Variants in NLGN1 observed in about 807,000 individuals in gnomAD.
NLGN1 encodes the protein neuroligin 1.
In NLGN1, 12 loss-of-function variants were observed where a neutral mutation model predicts 65.5. The ratio of observed to expected loss-of-function variants is 0.18; its 90% CI spans 0.12 to 0.30. The LOEUF (loss-of-function observed/expected upper bound fraction) is 0.30. NLGN1 is among the 10% of genes least tolerant of loss of function. The pLI, the probability that NLGN1 is intolerant of heterozygous loss-of-function variation, is 1.00. For synonymous variants in NLGN1, 350 were observed against 359.5 expected (o/e 0.97, Z 0.30); for missense variants, 750 against 1,007.1 (o/e 0.74, Z 3.46).
intron 3 of NLGN1, among the ~76,000 whole-genome samples, chr3:173,775,441 T>C (rs905367535): frequency 2.6e-5 from 4 of 152,134 alleles, no homozygotes; most frequent in Non-Finnish European, 4.4e-5. Flanking sequence ...TACTCTGTTA[T>C]CTGGGGTAAA....
intron 2 of NLGN1, among the ~76,000 whole-genome samples, chr3:173,485,080 G>C (rs946457742): frequency 2.1e-5 from 3 of 142,886 alleles, no homozygotes; most frequent in African/African-American, 7.9e-5. Context: ...GGGAAGTAAG[G>C]AGGAGCAAGT....
chr3:173,797,771 A>G (rs560271613), intron 3 of NLGN1, among the ~76,000 whole-genome samples: 123 of 152,084 alleles, frequency 8.1e-4, no homozygotes, highest in African/African-American at 2.8e-3. Flanking sequence ...AACTCTCTGT[A>G]TATATACTGT....
intron 4 of NLGN1, among the ~76,000 whole-genome samples, chr3:174,166,750 T>C (rs1727560689): frequency 1.3e-5 from 2 of 152,126 alleles, no homozygotes; most frequent in African/African-American, 4.8e-5. Flanking sequence ...GTTTTCTGCC[T>C]CAATAGTCTT....
intron 3 of NLGN1, among the ~76,000 whole-genome samples, chr3:173,643,159 G>C (rs1757678287): frequency 6.6e-6 from 1 of 152,100 alleles, no homozygotes; most frequent in Non-Finnish European, 1.5e-5. Flanking sequence ...AAAATAGAGA[G>C]AGCTTTGGCG....
chr3:174,118,046 A>G (rs2152636823), intron 4 of NLGN1, among the ~76,000 whole-genome samples: 1 of 152,146 alleles, frequency 6.6e-6, no homozygotes, highest in Non-Finnish European at 1.5e-5. Flanking sequence ...ATTAGTAGTT[A>G]TTTGTTGTTG....
intron 3 of NLGN1, among the ~76,000 whole-genome samples, chr3:173,645,444 C>A (rs1758097048): frequency 6.6e-6 from 1 of 152,166 alleles, no homozygotes; most frequent in South Asian, 2.1e-4. Context: ...TCTTTTAGCA[C>A]CACTATTCCT....
At chr3:173,601,871 C>G (rs1011539692) in intron 2 of NLGN1, among the ~76,000 whole-genome samples, 4 of 151,936 alleles carry the variant, frequency 2.6e-5, no homozygotes, top group East Asian at 1.9e-4. Flanking sequence ...TTTAATTTCT[C>G]TGTCCTATGA....
chr3:173,685,650 G>A, intron 3 of NLGN1: 1 of 985,238 alleles, frequency 1.0e-6, no homozygotes, highest in Non-Finnish European at 1.2e-6. Context: ...GCTCTAAGTT[G>A]TTAGGGCGGA....
At chr3:174,046,288 T>C (rs1038957282) in intron 4 of NLGN1, among the ~76,000 whole-genome samples, 2 of 152,154 alleles carry the variant, frequency 1.3e-5, no homozygotes, top group African/African-American at 4.8e-5. Context: ...TAAATAATAA[T>C]GGAAAATTGA....
At chr3:173,953,068 C>T (rs1007187879) in intron 4 of NLGN1, among the ~76,000 whole-genome samples, 3 of 152,128 alleles carry the variant, frequency 2.0e-5, no homozygotes. Flanking sequence ...CGTGAGCCAC[C>T]GTGCTCAGCC....
intron 3 of NLGN1, among the ~76,000 whole-genome samples, chr3:173,795,097 C>T (rs1463001652): frequency 6.6e-6 from 1 of 152,118 alleles, no homozygotes; most frequent in East Asian, 1.9e-4. Flanking sequence ...CTTTCAGACC[C>T]TTGGAAATTG....
At chr3:173,894,008 A>G (rs1735870792) in intron 4 of NLGN1, among the ~76,000 whole-genome samples, 1 of 152,064 alleles carries the variant, frequency 6.6e-6, no homozygotes, top group Non-Finnish European at 1.5e-5. Flanking sequence ...CAACTTTCAC[A>G]CTTTCCCTTA....
At chr3:173,972,477 G>C (rs1716487233) in intron 4 of NLGN1, among the ~76,000 whole-genome samples, 1 of 152,054 alleles carries the variant, frequency 6.6e-6, no homozygotes, top group African/African-American at 2.4e-5. Context: ...TGGCACATTT[G>C]GTTCAGTAAG....
intron 3 of NLGN1, among the ~76,000 whole-genome samples, chr3:173,770,107 A>G (rs925540049): frequency 5.9e-5 from 9 of 152,314 alleles, no homozygotes; most frequent in African/African-American, 2.2e-4. Flanking sequence ...TTCTCAAGCC[A>G]TTAGGAACCT....
intron 4 of NLGN1, among the ~76,000 whole-genome samples, chr3:174,168,965 G>A (rs953704205): frequency 6.6e-6 from 1 of 152,282 alleles, no homozygotes; most frequent in African/African-American, 2.4e-5. Context: ...ACCTGACTGA[G>A]TGTGGAACAG....
chr3:174,056,705 G>A (rs1736187134), intron 4 of NLGN1, among the ~76,000 whole-genome samples: 1 of 151,868 alleles, frequency 6.6e-6, no homozygotes, highest in Non-Finnish European at 1.5e-5. Flanking sequence ...GTGTCTGTAT[G>A]CCATTTACAA....
At chr3:173,999,327 T>C (rs1463416162) in intron 4 of NLGN1, among the ~76,000 whole-genome samples, 4 of 152,150 alleles carry the variant, frequency 2.6e-5, no homozygotes, top group Non-Finnish European at 5.9e-5. Flanking sequence ...AGCTTTGAGA[T>C]GATATTTTTT....
intron 4 of NLGN1, among the ~76,000 whole-genome samples, chr3:174,030,871 G>A (rs545531928): frequency 7.2e-5 from 11 of 152,210 alleles, no homozygotes; most frequent in African/African-American, 1.2e-4. Flanking sequence ...CTCTAGAAGC[G>A]AGGATAATAT....
intron 4 of NLGN1, among the ~76,000 whole-genome samples, chr3:174,083,243 T>G (rs1742597466): frequency 6.6e-6 from 1 of 152,022 alleles, no homozygotes; most frequent in Admixed American, 6.6e-5. Context: ...AGAACTTAGA[T>G]GGTGATTCCC....
Sources: allele counts gnomAD v4.1 joint callset (sites outside exome capture counted in the v4.1 genomes callset), GRCh38; gene constraint gnomAD v4.1.1; transcripts MANE v1.5; gene names NCBI Gene and HGNC (gene_info 2026-07-23, HGNC 2026-07-21).